The following COL27A1 variants were observed in gnomAD, a reference collection of about 807,000 sequenced individuals.
The protein encoded by COL27A1 is collagen alpha-1(XXVII) chain.
Under a neutral mutation model 251.3 loss-of-function variants are expected in COL27A1, and 106 were observed. That is an observed-to-expected ratio of 0.42 (90% CI 0.36 to 0.50). COL27A1 has a LOEUF of 0.50. Among genes scored for constraint, COL27A1 ranks in the 20% least tolerant of loss-of-function variants. The pLI is 0.00. For missense variants in COL27A1, 2,325 were observed against 2,522.8 expected, an observed-to-expected ratio of 0.92 and a Z score of 1.68; for synonymous variants, 1,000 against 986.3, an observed-to-expected ratio of 1.01 and a Z score of -0.26.
intron 55 of COL27A1, 32 bp downstream of exon 55, chr9:114,301,749 C>T: frequency 1.2e-6 from 2 of 1,605,446 alleles, no homozygotes; most frequent in South Asian, 1.1e-5. Flanking sequence ...GCATCTTGGA[C>T]TCCTGGGGGG....
intron 11 of COL27A1, among the ~76,000 whole-genome samples, chr9:114,210,403 G>A (rs967645189): frequency 1.3e-5 from 2 of 152,160 alleles, no homozygotes; most frequent in South Asian, 2.1e-4. Flanking sequence ...TGTTGGTTGG[G>A]GGTGGGGACA....
intron 1 of COL27A1, 124 bp downstream of exon 1, chr9:114,156,136 C>T (rs985587902): frequency 2.3e-4 from 291 of 1,258,606 alleles, no homozygotes; most frequent in Non-Finnish European, 2.9e-4. Flanking sequence ...CTTCCTGCGC[C>T]CCCGCGAGGC....
Position 114,168,432 on chromosome 9 carries a change from G to GT in COL27A1, c.877_878insT (p.Ala293ValfsTer12). 1 of 1,610,984 alleles carries GT rather than the reference G, an allele frequency of 6.2e-7. No homozygotes were observed. The highest frequency in any genetic ancestry group is 2.2e-5 in the East Asian group (1 of 44,788). On this transcript the variant is annotated frameshift_variant, in exon 3 of 61. Transcript: ENST00000356083. LOFTEE classifies it high-confidence loss of function. ...AGGCAGGGGACCCAGGGGGACTGTGGCACCCGCCACGCCCACCAAGCCCCA... is the reference window on the plus strand; with the variant it reads ...AGGCAGGGGACCCAGGGGGACTGTGGTCACCCGCCACGCCCACCAAGCCCCA...
In COL27A1 at chr9:114,240,679, C is replaced by G. The variant is rs145278452; in HGVS notation, c.2835+192C>G. 9.9e-3 allele frequency among the ~76,000 whole-genome samples: 1,515 copies of G among 152,358 alleles called. 22 individuals carry two copies. Among genetic ancestry groups the G allele is most frequent in the African/African-American group, 0.031 (1,280 of 41,582 alleles). On this transcript the variant is annotated intron_variant, in intron 21 of 60. Coordinates refer to ENST00000356083, the MANE Select transcript of COL27A1 (RefSeq NM_032888.4). ...CCCGTGCCCCTTCCAGGGACCTTCT[C>G]TGCCCTGCTGTCACCTGGCAGGGTG...
At chr9:114,267,446 T>C in intron 33 of COL27A1, 58 bp from the exon 34 acceptor site, 16 of 1,492,870 alleles carry the variant, frequency 1.1e-5, no homozygotes, top group Non-Finnish European at 1.5e-5. Context: ...GTTACCCCCT[T>C]GCTTACAACC....
chr9:114,154,155 C>T (rs1041690832), upstream of COL27A1, among the ~76,000 whole-genome samples: 1 of 152,048 alleles, frequency 6.6e-6, no homozygotes, highest in Non-Finnish European at 1.5e-5. This position sits in a 1 kb window ranked among gnomAD's most constrained non-coding sequence, Gnocchi z 5.8. Flanking sequence ...GGACGCAGAG[C>T]TGCCGAAGTT....
intron 58 of COL27A1, 34 bp from the exon 59 acceptor site, chr9:114,307,635 T>C (rs377409267): frequency 8.8e-5 from 127 of 1,435,514 alleles, no homozygotes; most frequent in Non-Finnish European, 1.1e-4. Flanking sequence ...ATCCCCCAGA[T>C]ACATACATCA....
At chr9:114,267,991 T>C (rs1834863515) in intron 34 of COL27A1, among the ~76,000 whole-genome samples, 1 of 152,184 alleles carries the variant, frequency 6.6e-6, no homozygotes, top group South Asian at 2.1e-4. Flanking sequence ...GTGGACATTG[T>C]TGAGGCAGGG....
chr9:114,240,525 C>T (rs775165487), intron 21 of COL27A1, 38 bp downstream of exon 21: 3 of 1,582,444 alleles, frequency 1.9e-6, no homozygotes, highest in African/African-American at 2.7e-5. Context: ...CCATCCTGGC[C>T]TGATTGCAGC....
chr9:114,231,197 C>T, intron 15 of COL27A1, 65 bp downstream of exon 15: 4 of 1,466,110 alleles, frequency 2.7e-6, no homozygotes, highest in Non-Finnish European at 3.8e-6. Flanking sequence ...CCCATTTCAG[C>T]CCAGAAGGAA....
intron 48 of COL27A1, among the ~76,000 whole-genome samples, chr9:114,291,734 G>T (rs1827933401): frequency 6.6e-6 from 1 of 152,184 alleles, no homozygotes; most frequent in African/African-American, 2.4e-5. Context: ...GGGCGGCAGA[G>T]CGAGACTCTG....
chr9:114,241,300 C>T (rs964046099), intron 21 of COL27A1, among the ~76,000 whole-genome samples: 3 of 152,260 alleles, frequency 2.0e-5, no homozygotes, highest in African/African-American at 7.2e-5. Context: ...CCAGATTCAC[C>T]GCGACCGCAG....
chr9:114,250,745 G>T, intron 25 of COL27A1, 77 bp downstream of exon 25: 1 of 1,344,396 alleles, frequency 7.4e-7, no homozygotes. Flanking sequence ...GAGGCCCTTT[G>T]ACCTGGGGAT....
chr9:114,280,679 A>G (rs1048226133), intron 37 of COL27A1, among the ~76,000 whole-genome samples: 3 of 151,838 alleles, frequency 2.0e-5, no homozygotes, highest in Admixed American at 6.6e-5. Context: ...GTCCAGGGGT[A>G]CATGTAGACT....
rs776220955 is a variant in COL27A1 at position 114,309,268 on chromosome 9, T to A, written c.5226T>A (p.Phe1742Leu). Reference sequence around the variant, plus strand: ...CCGTTGCTTCTCTATAGGTCGAGTTTGCCATCAGCCGGGTCCAGATGAATT... The same window carrying A: ...CCGTTGCTTCTCTATAGGTCGAGTTAGCCATCAGCCGGGTCCAGATGAATT... ...LKPITASKVEFAISRVQMNFL... is the reference protein window; with the variant it reads ...LKPITASKVELAISRVQMNFL... Residue 1742 changes from phenylalanine to leucine, a missense_variant, in exon 60 of 61, where the codon TTT becomes TTA. Transcript: ENST00000356083. 2 of 1,614,160 alleles carry A rather than the reference T, an allele frequency of 1.2e-6. No individual in the cohort carries two copies. Among genetic ancestry groups the A allele is most frequent in the Non-Finnish European group, 1.7e-6 (2 of 1,180,020 alleles).
chr9:114,222,174 C>T, intron 13 of COL27A1, 49 bp from the exon 14 acceptor site: 1 of 1,570,584 alleles, frequency 6.4e-7, no homozygotes, highest in South Asian at 1.1e-5. Context: ...GGGAGGGGCC[C>T]TGGAGGGAGA....
rs375700944 is a variant in COL27A1 at position 114,287,194 on chromosome 9, A to G, written c.3988-1261A>G. On this transcript the variant is annotated intron_variant, in intron 41 of 60. Transcript: ENST00000356083. The stretch of plus-strand genomic sequence containing the variant: ...CCCAGGCTGGTGGCTGATCACCACC[A>G]GCCTTTAGAACTGCCTCCCACCAGG... Among the ~76,000 whole-genome samples, 121 of 152,226 alleles carry G rather than the reference A, an allele frequency of 7.9e-4. 3 individuals carry two copies. The East Asian group carries it at 0.019, about 24-fold the overall frequency.
chr9:114,202,165 G>A (rs181072714), intron 7 of COL27A1, among the ~76,000 whole-genome samples: 1 of 152,350 alleles, frequency 6.6e-6, no homozygotes, highest in Admixed American at 6.5e-5. Context: ...GAGTAAAAGG[G>A]TTTACTTGAA....
intron 49 of COL27A1, 27 bp downstream of exon 49, chr9:114,292,237 GCCCACGCACT>G: frequency 6.6e-7 from 1 of 1,505,622 alleles, no homozygotes; most frequent in Non-Finnish European, 9.0e-7. Context: ...GAATACACAT[GCCCACGCACT>G]CACACATGCA....
Sources: gnomAD v4.1 joint callset for allele counts (sites outside exome capture counted in the v4.1 genomes callset) on GRCh38, gnomAD v4.1.1 for gene constraint, Gnocchi (gnomAD v3.1) non-coding constraint, MANE v1.5 for transcripts, NCBI Gene and HGNC (gene_info 2026-07-23, HGNC 2026-07-21) for gene names.